CDH18: variants seen among roughly 807,000 people sequenced by gnomAD.
CDH18 encodes cadherin 18.
A neutral mutation model predicts 67.9 loss-of-function variants in CDH18; 31 were observed. The observed-to-expected ratio is 0.46, with a 90% CI of 0.34 to 0.62. The LOEUF (loss-of-function observed/expected upper bound fraction) is 0.62. Among genes scored for constraint, CDH18 ranks in the 20% least tolerant of loss-of-function variants. CDH18 has a pLI of 0.01. For missense variants in CDH18, 890 were observed against 975.5 expected, an observed-to-expected ratio of 0.91 and a Z score of 1.17; for synonymous variants, 362 against 347.2, an observed-to-expected ratio of 1.04 and a Z score of -0.48.
chr5:20,376,555 T>G (rs1743462235), intron 1 of CDH18, among the ~76,000 whole-genome samples: 1 of 143,532 alleles, frequency 7.0e-6, no homozygotes, highest in Admixed American at 6.8e-5. Context: ...AATTTCTTTT[T>G]GCTTAATTAA....
At chr5:20,340,878 C>T (rs1580792293) in intron 1 of CDH18, among the ~76,000 whole-genome samples, 2 of 152,138 alleles carry the variant, frequency 1.3e-5, no homozygotes, top group South Asian at 2.1e-4. Flanking sequence ...CTTGTTTACT[C>T]AGGCCTTTTG....
intron 2 of CDH18, among the ~76,000 whole-genome samples, chr5:20,086,469 T>C (rs1211110739): frequency 2.6e-5 from 4 of 152,184 alleles, no homozygotes; most frequent in Non-Finnish European, 4.4e-5. Context: ...AGTCTTCCAT[T>C]GGAAGAAGAT....
intron 2 of CDH18, among the ~76,000 whole-genome samples, chr5:19,850,310 G>A (rs769857897): frequency 4.6e-5 from 7 of 151,770 alleles, no homozygotes; most frequent in South Asian, 4.2e-4. Flanking sequence ...AATGAGGCAC[G>A]AAATTTAATA....
chr5:20,175,348 T>G (rs1226810155), intron 2 of CDH18, among the ~76,000 whole-genome samples: 1 of 152,154 alleles, frequency 6.6e-6, no homozygotes. Context: ...TCTCTCCTGC[T>G]GCCTCCTATT....
chr5:20,204,857 CT>C (rs1561875486), intron 2 of CDH18, among the ~76,000 whole-genome samples: 1 of 151,422 alleles, frequency 6.6e-6, no homozygotes, highest in East Asian at 1.9e-4. Context: ...TCTAAAATAA[CT>C]TGTTTAAGTT....
At position 19,829,524 on chromosome 5, in the gene CDH18, C is replaced by T. The variant is rs149258514; in HGVS notation, c.228+9235G>A. Among the ~76,000 whole-genome samples, 22 of 152,064 alleles carry T rather than the reference C, an allele frequency of 1.4e-4. No homozygotes were observed. The South Asian group carries it at 2.9e-3, about 20-fold the overall frequency. On this transcript the variant is annotated intron_variant, in intron 3 of 12. Coordinates refer to ENST00000382275, the MANE Select transcript of CDH18 (RefSeq NM_004934.5). ...TAATCAGGGAGGTGAAAGGTATTGA[C>T]GATGAGAATTTCAAAACAATATTCA...
chr5:19,781,465 G>A (rs1306317593), intron 3 of CDH18, among the ~76,000 whole-genome samples: 3 of 152,002 alleles, frequency 2.0e-5, no homozygotes, highest in Non-Finnish European at 4.4e-5. Flanking sequence ...TAACAAAAGA[G>A]AAAACAACAA....
intron 2 of CDH18, among the ~76,000 whole-genome samples, chr5:20,108,454 C>T (rs1389530422): frequency 6.6e-6 from 1 of 152,052 alleles, no homozygotes; most frequent in Non-Finnish European, 1.5e-5. Context: ...GGGGTTAGGA[C>T]TCCGATGTGT....
At chr5:20,574,615 A>G (rs540873942) in intron 1 of CDH18, among the ~76,000 whole-genome samples, 1 of 152,186 alleles carries the variant, frequency 6.6e-6, no homozygotes, top group East Asian at 1.9e-4. Flanking sequence ...AGGTCAATCA[A>G]ATACATCAGG....
intron 2 of CDH18, among the ~76,000 whole-genome samples, chr5:20,178,000 G>T (rs1387002023): frequency 6.6e-6 from 1 of 152,076 alleles, no homozygotes; most frequent in Non-Finnish European, 1.5e-5. Flanking sequence ...AGCAGCACGA[G>T]AAAAGACTAA....
chr5:19,763,098 T>A (rs1450027541), intron 3 of CDH18, among the ~76,000 whole-genome samples: 1 of 152,024 alleles, frequency 6.6e-6, no homozygotes, highest in Admixed American at 6.6e-5. Flanking sequence ...GGGCCTGTCA[T>A]GGGGTCTGGG....
intron 2 of CDH18, among the ~76,000 whole-genome samples, chr5:20,048,855 T>G (rs1741141871): frequency 6.6e-6 from 1 of 151,698 alleles, no homozygotes; most frequent in South Asian, 2.1e-4. Flanking sequence ...GCTTTCTATC[T>G]CACCATCTTC....
chr5:20,285,001 G>A (rs1022794224), intron 1 of CDH18, among the ~76,000 whole-genome samples: 4 of 151,692 alleles, frequency 2.6e-5, no homozygotes, highest in Non-Finnish European at 5.9e-5. Context: ...TTATGTTTAA[G>A]TCAATACATC....
intron 1 of CDH18, among the ~76,000 whole-genome samples, chr5:19,981,806 A>T (rs549632148): frequency 1.8e-4 from 28 of 152,134 alleles, no homozygotes; most frequent in South Asian, 4.1e-4. Flanking sequence ...ATGGTTCCTG[A>T]GACAGCAACA....
chr5:19,686,175 TA>T (rs1294848381), intron 5 of CDH18, among the ~76,000 whole-genome samples: 4 of 152,018 alleles, frequency 2.6e-5, no homozygotes, highest in Non-Finnish European at 5.9e-5. Flanking sequence ...CAGCACGCAA[TA>T]AAACATTTCA....
intron 2 of CDH18, among the ~76,000 whole-genome samples, chr5:20,106,825 C>T (rs1746982859): frequency 6.6e-6 from 1 of 152,160 alleles, no homozygotes; most frequent in Non-Finnish European, 1.5e-5. Flanking sequence ...GATTTTCTCA[C>T]AACTATGTAT....
chr5:20,295,948 T>C (rs1392554712), intron 1 of CDH18, among the ~76,000 whole-genome samples: 1 of 143,576 alleles, frequency 7.0e-6, no homozygotes, highest in Non-Finnish European at 1.5e-5. Context: ...CTCGGCTCAC[T>C]GCAACCTCTG....
At chr5:19,579,904 C>G (rs1014401928) in intron 7 of CDH18, among the ~76,000 whole-genome samples, 2 of 151,560 alleles carry the variant, frequency 1.3e-5, no homozygotes, top group African/African-American at 4.8e-5. Context: ...ATCCACCCCC[C>G]CCAAAGAAAT....
intron 2 of CDH18, among the ~76,000 whole-genome samples, chr5:20,101,254 G>A (rs1358204461): frequency 5.9e-5 from 9 of 152,076 alleles, no homozygotes; most frequent in African/African-American, 9.7e-5. Context: ...GAGCCACCAC[G>A]CCTGGCCAAA....
Sources: allele counts gnomAD v4.1 joint callset (sites outside exome capture counted in the v4.1 genomes callset), GRCh38; gene constraint gnomAD v4.1.1; transcripts MANE v1.5; gene names NCBI Gene and HGNC (gene_info 2026-07-23, HGNC 2026-07-21).